The following MED13 variants were observed in gnomAD, a reference collection of about 807,000 sequenced individuals.
MED13 encodes the protein mediator of RNA polymerase II transcription subunit 13.
A neutral mutation model predicts 225.2 loss-of-function variants in MED13; 23 were observed. The ratio of observed to expected loss-of-function variants is 0.10; its 90% CI spans 0.07 to 0.14. The LOEUF is 0.14. MED13 is among the 10% of genes least tolerant of loss of function. The pLI, the probability that MED13 is intolerant of heterozygous loss-of-function variation, is 1.00. For synonymous variants in MED13, 942 were observed against 889.2 expected, an observed-to-expected ratio of 1.06 and a Z score of -1.06; for missense variants, 2,197 against 2,594.5, an observed-to-expected ratio of 0.85 and a Z score of 3.33.
intron 3 of MED13, among the ~76,000 whole-genome samples, chr17:62,047,807 G>A (rs2080911762): frequency 6.6e-6 from 1 of 151,664 alleles, no homozygotes; most frequent in African/African-American, 2.4e-5. Context: ...TTCCCAGGCT[G>A]CTCTCAAACT....
chr17:61,960,671 A>G (rs909874625), intron 23 of MED13, among the ~76,000 whole-genome samples, 196 bp downstream of exon 23: 2 of 151,226 alleles, frequency 1.3e-5, no homozygotes, highest in Non-Finnish European at 2.9e-5. Context: ...CATATAATAG[A>G]TTAATCAAAA....
intron 3 of MED13, among the ~76,000 whole-genome samples, chr17:62,038,528 TATA>T (rs1020888384): frequency 6.6e-6 from 1 of 152,164 alleles, no homozygotes; most frequent in Non-Finnish European, 1.5e-5. Context: ...CTGAAAATAT[TATA>T]ATATGGGAAA....
intron 3 of MED13, among the ~76,000 whole-genome samples, chr17:62,045,258 TAGA>T (rs1398255459): frequency 1.3e-5 from 2 of 152,196 alleles, no homozygotes; most frequent in African/African-American, 4.8e-5. Flanking sequence ...TATACCCTCC[TAGA>T]AGCATTTAAA....
At chr17:62,055,196 A>G (rs1350145071) in intron 2 of MED13, among the ~76,000 whole-genome samples, 1 of 152,066 alleles carries the variant, frequency 6.6e-6, no homozygotes, top group Non-Finnish European at 1.5e-5. Flanking sequence ...GGAGTTCGAG[A>G]CCAGCCTGGC....
chr17:61,999,261 C>T (rs2080373063), intron 9 of MED13, among the ~76,000 whole-genome samples: 1 of 152,212 alleles, frequency 6.6e-6, no homozygotes. Context: ...TATACTTTGG[C>T]TACAGAATAA....
intron 3 of MED13, among the ~76,000 whole-genome samples, chr17:62,048,691 C>CA (rs1342387381): frequency 4.6e-5 from 7 of 152,222 alleles, no homozygotes; most frequent in African/African-American, 1.7e-4. Flanking sequence ...ACCCTCTAGT[C>CA]AGAGTACTGA....
At position 62,031,614 on chromosome 17, in the gene MED13, G is replaced by A. The variant is rs751509314; in HGVS notation, c.839C>T (p.Ala280Val). 1 of 1,605,506 alleles carries A rather than the reference G, an allele frequency of 6.2e-7. No homozygotes were observed. The highest frequency in any genetic ancestry group is 1.1e-5 in the South Asian group (1 of 89,482). The part of the protein sequence containing the change: ...LVAGVRMIYP[A>V]CFVLVPQSDI... Reference sequence around the variant, plus strand: ...TGACTGAGGGACTAGAACAAAGCATGCTGGGTAGATCATTCGGACACCAGC... The same window carrying A: ...TGACTGAGGGACTAGAACAAAGCATACTGGGTAGATCATTCGGACACCAGC... Residue 280 changes from alanine (A) to valine (V), a missense_variant, in exon 6 of 30, where the codon GCA becomes GTA. Coordinates refer to ENST00000397786, the MANE Select transcript of MED13 (RefSeq NM_005121.3).
chr17:61,975,075 G>A (rs757470125), intron 16 of MED13, among the ~76,000 whole-genome samples: 6 of 151,864 alleles, frequency 4.0e-5, no homozygotes, highest in South Asian at 2.1e-4. Flanking sequence ...AGGCTGCAGC[G>A]GGAGGATCCC....
At chr17:62,019,848 A>G (rs1043991531) in intron 8 of MED13, among the ~76,000 whole-genome samples, 1 of 150,778 alleles carries the variant, frequency 6.6e-6, no homozygotes, top group African/African-American at 2.4e-5. Context: ...GGTTCACGCC[A>G]TTCTCCTGCC....
chr17:62,035,640 A>G lies in MED13; in HGVS notation c.471-32T>C, dbSNP rs776418794. On this transcript the variant is annotated intron_variant, in intron 3 of 29. Transcript: ENST00000397786. The stretch of plus-strand genomic sequence containing the variant: ...AAGAAGAAAAAGTTTTATCTTAGTG[A>G]TGACTAGTGGCCAAAAATGTTAACT... 4 of 1,583,864 alleles carry G rather than the reference A, an allele frequency of 2.5e-6. No individual in the cohort carries two copies. In the African/African-American group the frequency reaches 5.4e-5, roughly 21 times the overall value.
intron 18 of MED13, among the ~76,000 whole-genome samples, chr17:61,967,213 G>A (rs111814427): frequency 1.3e-5 from 2 of 152,192 alleles, no homozygotes; most frequent in East Asian, 1.9e-4. Flanking sequence ...GAATTTCAAA[G>A]CCTTTAAAAA....
chr17:62,019,766 G>A (rs1472527104), intron 8 of MED13, among the ~76,000 whole-genome samples: 7 of 146,410 alleles, frequency 4.8e-5, no homozygotes, highest in Middle Eastern at 3.4e-3. Flanking sequence ...TTTTTGAGAC[G>A]GAGCCTCGCT....
intron 3 of MED13, among the ~76,000 whole-genome samples, chr17:62,051,986 T>A (rs2080961075): frequency 6.6e-6 from 1 of 152,236 alleles, no homozygotes; most frequent in Non-Finnish European, 1.5e-5. Flanking sequence ...TATCTGCAAC[T>A]AGTCTAATAA....
chr17:61,977,600 C>T (rs557575390), intron 16 of MED13, among the ~76,000 whole-genome samples: 3 of 152,002 alleles, frequency 2.0e-5, no homozygotes, highest in African/African-American at 4.8e-5. Context: ...TACAGGTGCC[C>T]GCCACCACGC....
At position 61,964,883 on chromosome 17, in the gene MED13, T is replaced by G. The variant is rs1387476237; in HGVS notation, c.4844+123A>C. 5 of 884,876 alleles carry G rather than the reference T, an allele frequency of 5.7e-6. No homozygotes were observed. The East Asian group carries it at 1.3e-4, about 23-fold the overall frequency. The allele number at this position is 884,876 out of a possible 1,614,324, so 54.8% of individuals were successfully genotyped here. On this transcript the variant is annotated intron_variant, in intron 20 of 29. Coordinates refer to ENST00000397786, the MANE Select transcript of MED13 (RefSeq NM_005121.3). ...CTCGGGAGGCAGAGGTTGCAGTGAG[T>G]GCAGATCCCACCACTGCAGTACAGC...
rs372636906 is a variant in MED13 at position 61,982,563 on chromosome 17, T to C, written c.3440A>G (p.Asp1147Gly). ...NSGLFLEDEL[D>G]IIGRNTDCGK... is the part of the protein sequence containing the mutation. ...ACAGTCTGTATTGCGTCCTATGATA[T>C]CTAGTTCATCTTCAAGAAATAATCC... The change falls in exon 16 of 30, where the codon GAT (aspartate) becomes GGT (glycine). Residue 1147 changes from aspartate to glycine, a missense_variant. Around this residue, in one of 12 missense-constraint regions of MED13, gnomAD observed 203 missense variants for 209.7 expected, o/e 0.97. Transcript: ENST00000397786. The C allele has an allele frequency of 1.1e-5, 17 of 1,614,076 alleles. No homozygotes were observed. The African/African-American group carries it at 1.5e-4, about 14-fold the overall frequency.
intron 16 of MED13, among the ~76,000 whole-genome samples, chr17:61,976,405 A>C (rs1000579989): frequency 2.6e-5 from 4 of 152,222 alleles, no homozygotes; most frequent in African/African-American, 9.6e-5. Context: ...CTAGGAAAGA[A>C]GGTTGGACGG....
At chr17:62,062,983 A>G in intron 2 of MED13, 84 bp downstream of exon 2, 1 of 1,044,514 alleles carries the variant, frequency 9.6e-7, no homozygotes, top group Non-Finnish European at 1.4e-6. Context: ...ACAAAAACAA[A>G]CTTAATTTGT....
At position 61,946,392 on chromosome 17, in the gene MED13, A is replaced by G. The variant is rs2079851896; in HGVS notation, c.*76T>C. Reference sequence around the variant, plus strand: ...ATCACAAATGACCTTCACTGAGAAGATAATTGTAACTTAATCCTGCAGCGA... The same window carrying G: ...ATCACAAATGACCTTCACTGAGAAGGTAATTGTAACTTAATCCTGCAGCGA... On this transcript the variant is annotated 3_prime_UTR_variant, in exon 30 of 30. Transcript: ENST00000397786. 2.6e-6 allele frequency: 4 copies of G among 1,513,986 alleles called. No homozygotes were observed. Among genetic ancestry groups the G allele is most frequent in the African/African-American group, 2.8e-5 (2 of 72,000 alleles). The allele number at this position is 1,513,986 out of a possible 1,614,324, so 93.8% of individuals were successfully genotyped here.
Sources: gnomAD v4.1 joint callset for allele counts (sites outside exome capture counted in the v4.1 genomes callset) on GRCh38, gnomAD v4.1.1 for gene constraint, gnomAD v4.1.1 regional missense constraint, MANE v1.5 for transcripts, NCBI Gene and HGNC (gene_info 2026-07-23, HGNC 2026-07-21) for gene names.